The following SVIL variants were observed in gnomAD, a reference collection of about 807,000 sequenced individuals.
SVIL encodes the protein supervillin, also known as archvillin.
In SVIL, 101 loss-of-function variants were observed where a neutral mutation model predicts 240.4. The ratio of observed to expected loss-of-function variants is 0.42; its 90% confidence interval spans 0.36 to 0.50. The LOEUF (loss-of-function observed/expected upper bound fraction) is 0.50. Ranked by LOEUF, SVIL falls within the 20% of genes least tolerant of loss-of-function variation. The pLI is 0.01. For synonymous variants in SVIL, 999 were observed against 1,100.0 expected, an observed-to-expected ratio of 0.91 and a Z score of 1.82; for missense variants, 2,512 against 2,818.7, an observed-to-expected ratio of 0.89 and a Z score of 2.46.
At chr10:29,479,683 G>T (rs1203827177) in intron 29 of SVIL, among the ~76,000 whole-genome samples, 1 of 152,232 alleles carries the variant, frequency 6.6e-6, no homozygotes, top group African/African-American at 2.4e-5. Context: ...AATCAGGAAA[G>T]AAATCCTGGT....
intron 24 of SVIL, 99 bp downstream of exon 24, chr10:29,487,064 C>G (rs561516157): frequency 1.4e-6 from 2 of 1,455,628 alleles, no homozygotes; most frequent in Non-Finnish European, 1.8e-6. Context: ...AATGCAACAC[C>G]TGGCTTTTGA....
At chr10:29,471,288 T>A in intron 30 of SVIL, 45 bp from the exon 31 acceptor site, 1 of 1,466,016 alleles carries the variant, frequency 6.8e-7, no homozygotes. Flanking sequence ...CGCGGGGCTT[T>A]CAAAGTCCTA....
chr10:29,469,637 A>C (rs1564461498), intron 32 of SVIL, among the ~76,000 whole-genome samples: 1 of 152,106 alleles, frequency 6.6e-6, no homozygotes, highest in Non-Finnish European at 1.5e-5. Context: ...TGTGGCCTTC[A>C]CTGCCCTTCC....
chr10:29,611,555 T>C (rs897021401), intron 1 of SVIL, among the ~76,000 whole-genome samples: 1 of 152,112 alleles, frequency 6.6e-6, no homozygotes, highest in Non-Finnish European at 1.5e-5. Flanking sequence ...GCATTTGACA[T>C]TTTTTAGCAT....
At chr10:29,702,172 C>G (rs532242753) in intron 1 of SVIL, among the ~76,000 whole-genome samples, 1 of 88,224 alleles carries the variant, frequency 1.1e-5, no homozygotes, top group South Asian at 4.1e-4. Flanking sequence ...GAGACTCCAT[C>G]TCCAAAAAAA....
At position 29,494,763 on chromosome 10, in the gene SVIL, G is replaced by A. The variant is rs754865; in HGVS notation, c.3841+151C>T. 115,866 of 710,336 alleles carry A rather than the reference G, an allele frequency of 0.16. 10,524 individuals carry two copies. Among genetic ancestry groups the A allele is most frequent in the East Asian group, 0.31 (11,989 of 38,634 alleles). The allele number at this position is 710,336 out of a possible 1,614,324, so 44.0% of individuals were successfully genotyped here. ...TCAAGAAAAAAATGTATTATTGGGAGTCCCCAATTTAGTACGTTATCAAGT... is the reference window on the plus strand; with the variant it reads ...TCAAGAAAAAAATGTATTATTGGGAATCCCCAATTTAGTACGTTATCAAGT... On this transcript the variant is annotated intron_variant, in intron 20 of 37. Coordinates refer to ENST00000355867, the MANE Select transcript of SVIL (RefSeq NM_021738.3).
chr10:29,706,947 G>A (rs1215368616), intron 1 of SVIL, among the ~76,000 whole-genome samples: 1 of 152,166 alleles, frequency 6.6e-6, no homozygotes, highest in African/African-American at 2.4e-5. Flanking sequence ...TCAGATGGTT[G>A]TAGATGTGTG....
chr10:29,686,889 T>C (rs1291381928), intron 1 of SVIL, among the ~76,000 whole-genome samples: 1 of 152,206 alleles, frequency 6.6e-6, no homozygotes, highest in Non-Finnish European at 1.5e-5. Context: ...ATGACTAAAA[T>C]TGTTTTGATT....
rs372792579 is a variant in SVIL at position 29,484,604 on chromosome 10, C to T, written c.4955+52G>A. 8.5e-5 allele frequency: 132 copies of T among 1,547,960 alleles called. No individual in the cohort carries two copies. The highest frequency in any genetic ancestry group is 1.1e-4 in the Non-Finnish European group (128 of 1,143,260). ...AGGACTGTGGTGAGAACAGAGGGAT[C>T]GAAGGGAATCAGCTCGCTTGAAGAG... On this transcript the variant is annotated intron_variant, in intron 27 of 37. Coordinates refer to ENST00000355867, the MANE Select transcript of SVIL (RefSeq NM_021738.3). This position sits in a 1 kb window ranked among gnomAD's most constrained non-coding sequence, Gnocchi z 4.7.
intron 16 of SVIL, among the ~76,000 whole-genome samples, chr10:29,513,873 C>T (rs192647749): frequency 1.3e-5 from 2 of 151,930 alleles, no homozygotes; most frequent in Non-Finnish European, 2.9e-5. Context: ...TACTGGAATC[C>T]TGAAAGGTTA....
chr10:29,570,635 C>T (rs1468116262), intron 1 of SVIL, among the ~76,000 whole-genome samples: 1 of 152,202 alleles, frequency 6.6e-6, no homozygotes, highest in East Asian at 1.9e-4. Context: ...GTATGTATAG[C>T]ATTTGATTTA....
intron 1 of SVIL, among the ~76,000 whole-genome samples, chr10:29,630,668 GTACAGAAACCCCATA>G (rs754471110): frequency 1.3e-5 from 2 of 151,938 alleles, no homozygotes; most frequent in Admixed American, 6.6e-5. Context: ...AAAAGCACGT[GTACAGAAACCCCATA>G]TACAGAAACC....
chr10:29,665,700 A>G (rs1959231653), intron 2 of SVIL, among the ~76,000 whole-genome samples: 1 of 152,154 alleles, frequency 6.6e-6, no homozygotes, highest in Non-Finnish European at 1.5e-5. Flanking sequence ...AGGCTGAGGC[A>G]GGACAATGGT....
intron 18 of SVIL, among the ~76,000 whole-genome samples, chr10:29,496,079 T>A (rs927739164): frequency 3.9e-5 from 6 of 152,116 alleles, no homozygotes; most frequent in African/African-American, 1.2e-4. Flanking sequence ...CATCGAGAGG[T>A]TATGCAAATC....
Position 29,495,101 on chromosome 10 carries a change from G to A in SVIL, c.3745C>T (p.Pro1249Ser). The change falls in exon 19 of 38, where the codon CCC becomes TCC. Residue 1249 changes from proline to serine, a missense_variant. Coordinates refer to ENST00000355867, the MANE Select transcript of SVIL (RefSeq NM_021738.3). Reference sequence around the variant, plus strand: ...GGCCTTGGCGACTTACCTTCCAGGGGTTTGGAAACGGGTGTGGTGCCTCTT... The same window carrying A: ...GGCCTTGGCGACTTACCTTCCAGGGATTTGGAAACGGGTGTGGTGCCTCTT... ...KTRGTTPVSKPLEDIEARPDM... is the reference protein window; with the variant it reads ...KTRGTTPVSKSLEDIEARPDM... 1.9e-6 allele frequency: 3 copies of A among 1,599,866 alleles called. No homozygotes were observed. The African/African-American group carries it at 4.3e-5, about 23-fold the overall frequency.
At chr10:29,549,704 G>T (rs1953054122) in intron 6 of SVIL, among the ~76,000 whole-genome samples, 1 of 141,742 alleles carries the variant, frequency 7.1e-6, no homozygotes, top group Non-Finnish European at 1.5e-5. Flanking sequence ...AAAAAAGGAT[G>T]AGTTCATGTC....
intron 1 of SVIL, among the ~76,000 whole-genome samples, chr10:29,573,179 A>G (rs1955528079): frequency 6.6e-6 from 1 of 152,134 alleles, no homozygotes; most frequent in African/African-American, 2.4e-5. Flanking sequence ...ATAGTACCCA[A>G]TCATTTGTTT....
At chr10:29,540,292 T>A (rs1273330813) in intron 6 of SVIL, among the ~76,000 whole-genome samples, 4 of 152,136 alleles carry the variant, frequency 2.6e-5, no homozygotes, top group Non-Finnish European at 5.9e-5. Context: ...TACAGCCCTC[T>A]CTCTTCGCTA....
chr10:29,677,161 T>A (rs1452659128), intron 2 of SVIL, among the ~76,000 whole-genome samples: 1 of 152,172 alleles, frequency 6.6e-6, no homozygotes, highest in Non-Finnish European at 1.5e-5. Flanking sequence ...TTCTATAAAA[T>A]TCTCCCCCTT....
Sources: allele counts gnomAD v4.1 joint callset (sites outside exome capture counted in the v4.1 genomes callset), GRCh38; gene constraint gnomAD v4.1.1; non-coding constraint Gnocchi (gnomAD v3.1); transcripts MANE v1.5; gene names NCBI Gene and HGNC (gene_info 2026-07-23, HGNC 2026-07-21).